Variants in PRR33 observed in about 807,000 individuals in gnomAD.
PRR33 encodes proline rich 33.
Under a neutral mutation model 0.5 loss-of-function variants are expected in PRR33, and 1 was observed. That is an observed-to-expected ratio of 2.18 (90% CI 0.77 to 10.34). The LOEUF (loss-of-function observed/expected upper bound fraction) is 10.34. Ranked by LOEUF, PRR33 falls within the 30% of genes most tolerant of loss-of-function variation. PRR33 has a pLI of 0.13. For missense variants in PRR33, 552 were observed against 251.8 expected, an observed-to-expected ratio of 2.19 and a Z score of -8.07; for synonymous variants, 226 against 110.0, an observed-to-expected ratio of 2.06 and a Z score of -6.60.
exon 1 of PRR33, chr11:1,889,612 G>T: frequency 1.6e-6 from 1 of 615,198 alleles, no homozygotes; most frequent in Non-Finnish European, 3.0e-6. Context: ...GGGCATGGGT[G>T]AGGGCCTGAT....
the PRR33 span, among the ~76,000 whole-genome samples, chr11:1,913,282 A>G: frequency 6.9e-6 from 1 of 145,064 alleles, no homozygotes; most frequent in African/African-American, 2.5e-5. Flanking sequence ...ACCCACCACC[A>G]CGCCCAGCTA....
exon 1 of PRR33, chr11:1,889,327 G>T: frequency 1.4e-6 from 1 of 710,266 alleles, no homozygotes. Context: ...CCACCGCTGG[G>T]CCCTGCCAGG....
chr11:1,892,475 C>T (rs1444256559), upstream of PRR33, among the ~76,000 whole-genome samples: 3 of 152,214 alleles, frequency 2.0e-5, no homozygotes, highest in Non-Finnish European at 2.9e-5. Flanking sequence ...GGGGTCCGGG[C>T]TTCCTTTTCC....
At chr11:1,894,761 A>G (rs1849105295), upstream of PRR33, among the ~76,000 whole-genome samples, 1 of 151,992 alleles carries the variant, frequency 6.6e-6, no homozygotes, top group African/African-American at 2.4e-5. Flanking sequence ...ATGGAAAGTA[A>G]TGTGGCCATT....
chr11:1,914,912 CTG>C, the PRR33 span, among the ~76,000 whole-genome samples: 4 of 120,160 alleles, frequency 3.3e-5, no homozygotes, highest in South Asian at 2.8e-4. Flanking sequence ...TGATGTTGCT[CTG>C]TGTGTGTCTG....
the PRR33 span, chr11:1,902,580 T>G: frequency 2.0e-5 from 3 of 152,136 alleles, no homozygotes; most frequent in Admixed American, 1.3e-4. Context: ...GTCTTTATCT[T>G]ATTTGACAGG....
At chr11:1,890,093 G>T in exon 1 of PRR33, 1 of 716,110 alleles carries the variant, frequency 1.4e-6, no homozygotes, top group Non-Finnish European at 2.6e-6. Context: ...CGAAGCCACT[G>T]GGGGGCCGGG....
the PRR33 span, among the ~76,000 whole-genome samples, chr11:1,906,181 A>G: frequency 6.6e-6 from 1 of 152,038 alleles, no homozygotes; most frequent in South Asian, 2.1e-4. Context: ...GCTTACTGGT[A>G]TGGTTAGGTT....
exon 1 of PRR33, chr11:1,889,137 T>C (rs1169521511): frequency 1.6e-6 from 1 of 640,740 alleles, no homozygotes; most frequent in East Asian, 2.8e-5. Flanking sequence ...GGGGCCATTC[T>C]GGCCACTTCA....
chr11:1,914,479 T>TTG, the PRR33 span, among the ~76,000 whole-genome samples: 30,469 of 145,802 alleles, frequency 0.21, 3,266 homozygotes, highest in African/African-American at 0.25. Flanking sequence ...ATGTTTTTCT[T>TTG]TGTGTGTGTG....
chr11:1,890,930 G>A (rs1848974578), exon 1 of PRR33: 1 of 242,062 alleles, frequency 4.1e-6, no homozygotes, highest in Non-Finnish European at 8.1e-6. Flanking sequence ...GCAACACCGT[G>A]TGGGCTGGGG....
At chr11:1,891,276 G>A (rs1848991506) in exon 1 of PRR33, 1 of 152,440 alleles carries the variant, frequency 6.6e-6, no homozygotes, top group South Asian at 2.1e-4. Flanking sequence ...GTGTTTGCAA[G>A]GACATTGACA....
At chr11:1,905,122 C>CTTTTTTTT in the PRR33 span, among the ~76,000 whole-genome samples, 3 of 96,582 alleles carry the variant, frequency 3.1e-5, no homozygotes, top group African/African-American at 4.1e-5. Context: ...CTTGAGAATT[C>CTTTTTTTT]TTTTTTTTTT....
chr11:1,914,227 C>CTGTG, the PRR33 span, among the ~76,000 whole-genome samples: 48 of 151,044 alleles, frequency 3.2e-4, no homozygotes, highest in African/African-American at 1.1e-3. Context: ...GATGATGTTT[C>CTGTG]TGTGTGTGTG....
At chr11:1,906,332 C>CT in the PRR33 span, among the ~76,000 whole-genome samples, 1 of 152,052 alleles carries the variant, frequency 6.6e-6, no homozygotes, top group Non-Finnish European at 1.5e-5. Flanking sequence ...CGCTGTAACT[C>CT]TTTGTTTTGT....
the PRR33 span, among the ~76,000 whole-genome samples, chr11:1,912,635 C>T: frequency 6.6e-6 from 1 of 152,192 alleles, no homozygotes; most frequent in Admixed American, 6.5e-5. Flanking sequence ...GCCAGAGTCT[C>T]ACTCTGTCGC....
At chr11:1,901,465 A>G in the PRR33 span, among the ~76,000 whole-genome samples, 1 of 152,394 alleles carries the variant, frequency 6.6e-6, no homozygotes, top group African/African-American at 2.4e-5. Context: ...AGACACAGAT[A>G]GAAACAGATC....
At chr11:1,915,004 TTC>T in the PRR33 span, among the ~76,000 whole-genome samples, 1 of 150,118 alleles carries the variant, frequency 6.7e-6, no homozygotes, top group East Asian at 2.0e-4. Context: ...GGGATGATAT[TTC>T]TCTGTGTGTG....
At chr11:1,903,807 G>A in the PRR33 span, among the ~76,000 whole-genome samples, 1 of 152,138 alleles carries the variant, frequency 6.6e-6, no homozygotes, top group African/African-American at 2.4e-5. Flanking sequence ...CTGCCTTAGT[G>A]TGCAAGAAAA....
Sources: allele counts gnomAD v4.1 joint callset (sites outside exome capture counted in the v4.1 genomes callset), GRCh38; gene constraint gnomAD v4.1.1; transcripts MANE v1.5; gene names NCBI Gene and HGNC (gene_info 2026-07-23, HGNC 2026-07-21).